CNTN4: variants seen among roughly 807,000 people sequenced by gnomAD.
CNTN4 encodes the protein contactin-4.
CNTN4 carries 77 observed loss-of-function variants against 122.5 expected under a neutral mutation model. That is an observed-to-expected ratio of 0.63 (90% confidence interval 0.52 to 0.76). The LOEUF (loss-of-function observed/expected upper bound fraction) is 0.76, where lower values mean the gene tolerates loss of function less well. Among genes scored for constraint, CNTN4 ranks in the 30% least tolerant of loss-of-function variants. The pLI is 0.00. For missense variants in CNTN4, 1,256 were observed against 1,259.1 expected, an observed-to-expected ratio of 1.00 and a Z score of 0.04; for synonymous variants, 512 against 447.0, an observed-to-expected ratio of 1.15 and a Z score of -1.83.
rs368843362 is a variant in CNTN4 at position 2,925,669 on chromosome 3, A to G, written c.1248A>G (p.Val416=). The G allele has an allele frequency of 1.2e-6, 2 of 1,613,862 alleles. No homozygotes were observed. The highest frequency in any genetic ancestry group is 2.7e-5 in the African/African-American group (2 of 74,934). The change falls in exon 13 of 25, where the codon GTA becomes GTG. Residue 416 remains valine, a synonymous_variant. Transcript: ENST00000418658. ...TTTCAAGAACACTCTTGAAAAGAGT[A>G]ACTCTTGTCAAAGTGGGAGGTGAAG... is the stretch of plus-strand genomic sequence containing the variant. ...PDFSRTLLKR[V]TLVKVGGEVV... is the part of the protein sequence containing the mutation.
rs572286329 is a variant in CNTN4, at chr3:2,497,919, C to T, written c.-88-73497C>T. On this transcript the variant is annotated intron_variant, in intron 3 of 24. Coordinates refer to ENST00000418658, the MANE Select transcript of CNTN4 (RefSeq NM_175607.3). ...CATAAATATGAGTTGAGTGAATCCTCTCAGTTATTTACTTGCTCACTTCTA... is the reference window on the plus strand; with the variant it reads ...CATAAATATGAGTTGAGTGAATCCTTTCAGTTATTTACTTGCTCACTTCTA... Among the ~76,000 whole-genome samples the T allele has an allele frequency of 4.7e-4, 72 of 152,184 alleles. 1 individual carries two copies. The highest frequency in any genetic ancestry group is 1.7e-3 in the African/African-American group (71 of 41,550).
intron 4 of CNTN4, among the ~76,000 whole-genome samples, chr3:2,627,638 T>C (rs2600315): frequency 0.075 from 11,369 of 151,680 alleles, 453 homozygotes; most frequent in Middle Eastern, 0.098. Flanking sequence ...GGAATACAGG[T>C]GCCCGCCACC....
At chr3:2,439,487 T>C (rs2048360825) in intron 3 of CNTN4, among the ~76,000 whole-genome samples, 1 of 152,158 alleles carries the variant, frequency 6.6e-6, no homozygotes, top group African/African-American at 2.4e-5. Context: ...CTCATGTCAG[T>C]GATGATCGAA....
In CNTN4 at chr3:2,214,912, C is replaced by T. The variant is rs185003526; in HGVS notation, c.-145+114273C>T. Among the ~76,000 whole-genome samples the T allele has an allele frequency of 1.2e-4, 18 of 152,244 alleles. No homozygotes were observed. In the East Asian group the frequency reaches 2.5e-3, roughly 21 times the overall value. ...TTTTGCAAAGAAGAAAATACTCTTTCGGGATTTTAATTTTTAAAACTAAAT... is the reference window on the plus strand; with the variant it reads ...TTTTGCAAAGAAGAAAATACTCTTTTGGGATTTTAATTTTTAAAACTAAAT... On this transcript the variant is annotated intron_variant, in intron 2 of 24. Transcript: ENST00000418658.
intron 4 of CNTN4, among the ~76,000 whole-genome samples, chr3:2,689,384 C>G (rs1019089124): frequency 1.3e-5 from 2 of 152,166 alleles, no homozygotes; most frequent in Non-Finnish European, 2.9e-5. Flanking sequence ...CCTCCCTAGG[C>G]ACATCATGGA....
intron 2 of CNTN4, among the ~76,000 whole-genome samples, chr3:2,303,651 G>A (rs1230933319): frequency 6.6e-6 from 1 of 152,072 alleles, no homozygotes; most frequent in Non-Finnish European, 1.5e-5. Context: ...TCTTTCTCAT[G>A]ACTTTGGATT....
intron 6 of CNTN4, 46 bp from the exon 7 acceptor site, chr3:2,819,440 T>C (rs2092814002): frequency 7.0e-7 from 1 of 1,424,180 alleles, no homozygotes; most frequent in African/African-American, 1.4e-5. Context: ...CTTGATATCT[T>C]AGGACTTTAA....
At chr3:2,418,705 A>G (rs1043475956) in intron 3 of CNTN4, among the ~76,000 whole-genome samples, 1 of 152,260 alleles carries the variant, frequency 6.6e-6, no homozygotes, top group Non-Finnish European at 1.5e-5. Context: ...CATTTCTGAT[A>G]TATAAAAGAA....
chr3:2,243,299 C>T (rs2040013615), intron 2 of CNTN4, among the ~76,000 whole-genome samples: 1 of 152,064 alleles, frequency 6.6e-6, no homozygotes, highest in East Asian at 1.9e-4. Context: ...AACCACTGCT[C>T]TGGGTTATTA....
intron 2 of CNTN4, among the ~76,000 whole-genome samples, chr3:2,147,635 C>T (rs2035307677): frequency 6.6e-6 from 1 of 152,022 alleles, no homozygotes. Flanking sequence ...TGCTTCAATC[C>T]CATTATTTCC....
chr3:2,154,397 A>C (rs914480328), intron 2 of CNTN4, among the ~76,000 whole-genome samples: 3 of 151,980 alleles, frequency 2.0e-5, no homozygotes, highest in African/African-American at 7.3e-5. Flanking sequence ...AAAAAAATAA[A>C]AGTGGATATG....
intron 14 of CNTN4, among the ~76,000 whole-genome samples, chr3:3,003,265 C>T (rs376982327): frequency 6.6e-6 from 1 of 151,706 alleles, no homozygotes; most frequent in Non-Finnish European, 1.5e-5. Flanking sequence ...GTAGATGTAT[C>T]AGAAGGCAAG....
chr3:2,724,946 C>T (rs929083102), intron 4 of CNTN4, among the ~76,000 whole-genome samples: 2 of 152,198 alleles, frequency 1.3e-5, no homozygotes. Context: ...ACGGTGGTTT[C>T]TCCCAGTCCC....
chr3:2,353,640 A>G (rs1402385768), intron 3 of CNTN4, among the ~76,000 whole-genome samples: 1 of 152,142 alleles, frequency 6.6e-6, no homozygotes, highest in Non-Finnish European at 1.5e-5. Context: ...CCATCTTTTA[A>G]GAACTGTAAC....
At chr3:2,446,120 A>C (rs1223966098) in intron 3 of CNTN4, among the ~76,000 whole-genome samples, 1 of 152,164 alleles carries the variant, frequency 6.6e-6, no homozygotes, top group Non-Finnish European at 1.5e-5. Context: ...TAATCTGCCC[A>C]CTTTGCTCAG....
At position 2,527,610 on chromosome 3, in the gene CNTN4, A is replaced by G. The variant is rs1040643039; in HGVS notation, c.-88-43806A>G. On this transcript the variant is annotated intron_variant, in intron 3 of 24. Coordinates refer to ENST00000418658, the MANE Select transcript of CNTN4 (RefSeq NM_175607.3). ...AGGTCAAAGCCTTGCTTCATCCGTA[A>G]AGCACCTTCTTTACATAATAGCGAG... is the stretch of plus-strand genomic sequence containing the variant. Among the ~76,000 whole-genome samples, 5 of 152,250 alleles carry G rather than the reference A, an allele frequency of 3.3e-5. No homozygotes were observed. The East Asian group carries it at 5.8e-4, about 18-fold the overall frequency.
At chr3:2,826,319 A>G (rs2092988317) in intron 7 of CNTN4, among the ~76,000 whole-genome samples, 1 of 152,206 alleles carries the variant, frequency 6.6e-6, no homozygotes, top group Non-Finnish European at 1.5e-5. Context: ...GAGTCCCTGC[A>G]TTACAAAATC....
intron 3 of CNTN4, among the ~76,000 whole-genome samples, chr3:2,505,800 A>T (rs1167191842): frequency 6.6e-6 from 1 of 152,242 alleles, no homozygotes; most frequent in African/African-American, 2.4e-5. Context: ...AGCTTTTAAA[A>T]TATCTACTTA....
intron 6 of CNTN4, among the ~76,000 whole-genome samples, chr3:2,811,717 T>G (rs1384908212): frequency 2.0e-5 from 3 of 152,052 alleles, no homozygotes; most frequent in Non-Finnish European, 4.4e-5. Context: ...CAGGCTGTAG[T>G]GCAGTGGCGC....
Sources: gnomAD v4.1 joint callset for allele counts (sites outside exome capture counted in the v4.1 genomes callset) on GRCh38, gnomAD v4.1.1 for gene constraint, MANE v1.5 for transcripts, NCBI Gene and HGNC (gene_info 2026-07-23, HGNC 2026-07-21) for gene names.